The following PIKFYVE variants were observed in gnomAD, a reference collection of about 807,000 sequenced individuals.
PIKFYVE encodes the protein phosphoinositide kinase, FYVE-type zinc finger containing.
PIKFYVE carries 122 observed loss-of-function variants against 257.9 expected under a neutral mutation model. The observed-to-expected ratio is 0.47, with a 90% CI of 0.41 to 0.55. The LOEUF is 0.55. PIKFYVE is among the 20% of genes least tolerant of loss of function. PIKFYVE has a pLI of 0.00. For missense variants in PIKFYVE, 2,160 were observed against 2,536.6 expected, an observed-to-expected ratio of 0.85 and a Z score of 3.19; for synonymous variants, 892 against 868.9, an observed-to-expected ratio of 1.03 and a Z score of -0.47.
intron 23 of PIKFYVE, 48 bp from the exon 24 acceptor site, chr2:208,333,267 A>G (rs1319652132): frequency 4.5e-6 from 7 of 1,557,640 alleles, no homozygotes; most frequent in Non-Finnish European, 6.1e-6. Context: ...TTTTTGAAAA[A>G]GAGATTCTCA....
intron 23 of PIKFYVE, 53 bp downstream of exon 23, chr2:208,330,747 TG>T (rs941059731): frequency 6.2e-6 from 9 of 1,461,012 alleles, no homozygotes; most frequent in Middle Eastern, 2.3e-4. Context: ...TTTATTTGTA[TG>T]TTTTTTTTTT....
At chr2:208,346,797 T>A (rs1462686711) in intron 34 of PIKFYVE, among the ~76,000 whole-genome samples, 1 of 152,248 alleles carries the variant, frequency 6.6e-6, no homozygotes, top group Non-Finnish European at 1.5e-5. Context: ...CTGCTCAGCA[T>A]TGTTATAACA....
In PIKFYVE at chr2:208,273,594, A is replaced by G; in HGVS notation, c.183A>G (p.Glu61=). The G allele has an allele frequency of 1.2e-6, 2 of 1,614,220 alleles. No individual in the cohort carries two copies. Among genetic ancestry groups the G allele is most frequent in the Non-Finnish European group, 1.7e-6 (2 of 1,180,034 alleles). The part of the protein sequence containing the change: ...NLFRFNKERA[E]GGQGEQQPLS... ...GTTCCCTTGCTACAGAGAGAGCAGA[A>G]GGAGGCCAGGGAGAACAGCAGCCTT... is the stretch of plus-strand genomic sequence containing the variant. The change falls in exon 3 of 42, where the codon GAA becomes GAG. Residue 61 remains glutamate (E), a synonymous_variant. Coordinates refer to ENST00000264380, the MANE Select transcript of PIKFYVE (RefSeq NM_015040.4).
chr2:208,325,716 T>C lies in PIKFYVE; in HGVS notation c.2905T>C (p.Cys969Arg). 6.2e-7 allele frequency: 1 copy of C among 1,613,520 alleles called. No homozygotes were observed. The highest frequency in any genetic ancestry group is 8.5e-7 in the Non-Finnish European group (1 of 1,179,570). The part of the protein sequence containing the change: ...STTACPAGLP[C>R]AFFAPVPESL... ...AACAGCTTGCCCGGCGGGTCTCCCT[T>C]GTGCTTTCTTTGCACCTGTACCGGA... The change falls in exon 20 of 42, where the codon TGT becomes CGT. Residue 969 changes from cysteine (C) to arginine (R), a missense_variant. Physicochemically the swap from Cys to Arg is radical, Grantham distance 180. This residue lies in a region of PIKFYVE where 522 missense variants were observed against 514.6 expected (regional missense o/e 1.01). Transcript: ENST00000264380.
In PIKFYVE at chr2:208,356,716, T is replaced by G. The variant is rs1297446391; in HGVS notation, c.*1411T>G. The G allele has an allele frequency of 4.6e-5, 7 of 152,634 alleles. No homozygotes were observed. The highest frequency in any genetic ancestry group is 6.5e-5 in the Admixed American group (1 of 15,278). 9.5% of individuals were successfully genotyped at this position (152,634 alleles called of 1,614,324 possible). On this transcript the variant is annotated 3_prime_UTR_variant, in exon 42 of 42. Transcript: ENST00000264380. ...TAAGGAACTTCTTGTTTAATAGCAT[T>G]TTTGTTTATTTTAAAAAGTGATCAG... is the stretch of plus-strand genomic sequence containing the variant.
At chr2:208,310,266 C>T (rs188083536) in intron 12 of PIKFYVE, among the ~76,000 whole-genome samples, 68 of 152,176 alleles carry the variant, frequency 4.5e-4, no homozygotes, top group Admixed American at 9.8e-4. Context: ...TGGTTTTTAT[C>T]TTTACATTGA....
chr2:208,316,530 CA>C (rs1695541016), intron 15 of PIKFYVE, among the ~76,000 whole-genome samples: 1 of 152,020 alleles, frequency 6.6e-6, no homozygotes, highest in African/African-American at 2.4e-5. Flanking sequence ...ACATCCTCTC[CA>C]GCACCTGTTG....
intron 24 of PIKFYVE, 87 bp downstream of exon 24, chr2:208,333,580 A>G: frequency 1.4e-6 from 2 of 1,414,876 alleles, no homozygotes; most frequent in Non-Finnish European, 2.0e-6. Flanking sequence ...TACTAGATTG[A>G]ATTAATTTGT....
intron 28 of PIKFYVE, 66 bp from the exon 29 acceptor site, chr2:208,338,442 A>G: frequency 6.7e-7 from 1 of 1,500,364 alleles, no homozygotes; most frequent in Non-Finnish European, 9.3e-7. Flanking sequence ...GATTCACTGG[A>G]TTAAAAAATT....
chr2:208,286,254 A>T (rs2363465), intron 6 of PIKFYVE, among the ~76,000 whole-genome samples: 1 of 152,058 alleles, frequency 6.6e-6, no homozygotes, highest in Non-Finnish European at 1.5e-5. Context: ...TGAGATTTTT[A>T]ATTTAATTAA....
chr2:208,271,416 A>G, intron 1 of PIKFYVE, 95 bp from the exon 2 acceptor site: 3 of 1,198,548 alleles, frequency 2.5e-6, no homozygotes, highest in Non-Finnish European at 3.7e-6. Flanking sequence ...GACTTTTCAC[A>G]GAATAGGATT....
chr2:208,342,791 G>GTTAT, intron 32 of PIKFYVE, 142 bp downstream of exon 32: 4 of 370,880 alleles, frequency 1.1e-5, no homozygotes, highest in Non-Finnish European at 1.4e-5. Flanking sequence ...GTGATAGCTT[G>GTTAT]TTCTTTTTTT....
At chr2:208,302,420 G>C in intron 10 of PIKFYVE, 67 bp downstream of exon 10, 2 of 1,374,488 alleles carry the variant, frequency 1.5e-6, no homozygotes, top group Admixed American at 3.5e-5. Flanking sequence ...CTTCATCAGT[G>C]GGAATAAAAA....
chr2:208,341,822 G>T (rs192009840), intron 31 of PIKFYVE, among the ~76,000 whole-genome samples: 1 of 151,986 alleles, frequency 6.6e-6, no homozygotes, highest in Non-Finnish European at 1.5e-5. Context: ...TATGAATTTT[G>T]TGGGAGCTGG....
chr2:208,302,948 G>T (rs969686699), intron 10 of PIKFYVE, among the ~76,000 whole-genome samples: 1 of 152,042 alleles, frequency 6.6e-6, no homozygotes, highest in African/African-American at 2.4e-5. Flanking sequence ...CAGGCATGGT[G>T]GTGGACACCT....
intron 12 of PIKFYVE, 27 bp from the exon 13 acceptor site, chr2:208,312,209 C>T (rs190328374): frequency 1.9e-6 from 3 of 1,567,816 alleles, no homozygotes; most frequent in East Asian, 2.2e-5. Flanking sequence ...TTTTGTTCCT[C>T]CTCTCTGTTG....
rs569468383 is a variant in PIKFYVE, at chr2:208,299,732, C to G, written c.1050+953C>G. 1.2e-3 allele frequency among the ~76,000 whole-genome samples: 186 copies of G among 152,300 alleles called. 1 individual carries two copies. Among genetic ancestry groups the G allele is most frequent in the African/African-American group, 4.3e-3 (178 of 41,572 alleles). On this transcript the variant is annotated intron_variant, in intron 8 of 41. Coordinates refer to ENST00000264380, the MANE Select transcript of PIKFYVE (RefSeq NM_015040.4). ...TGTAACACTTTTCAGACATTTAATA[C>G]TATATGTTTATATGAAATAATCAGT...
At chr2:208,301,980 A>G (rs7557303) in intron 9 of PIKFYVE, among the ~76,000 whole-genome samples, 20,154 of 152,062 alleles carry the variant, frequency 0.13, 1,424 homozygotes, top group Non-Finnish European at 0.15. Context: ...TGCATTGAAT[A>G]CTCAGTCAAT....
chr2:208,353,813 T>C, intron 39 of PIKFYVE, 85 bp from the exon 40 acceptor site: 1 of 1,490,922 alleles, frequency 6.7e-7, no homozygotes, highest in African/African-American at 1.4e-5. Flanking sequence ...CTATAAGGAG[T>C]CTTTCTGCCT....
Sources: gnomAD v4.1 joint callset for allele counts (sites outside exome capture counted in the v4.1 genomes callset) on GRCh38, gnomAD v4.1.1 for gene constraint, gnomAD v4.1.1 regional missense constraint, MANE v1.5 for transcripts, NCBI Gene and HGNC (gene_info 2026-07-23, HGNC 2026-07-21) for gene names.